Variants in ZNF699 observed in about 807,000 individuals in gnomAD.
ZNF699 encodes the protein zinc finger protein 699, also known as hangover homolog.
A neutral mutation model predicts 22.5 loss-of-function variants in ZNF699; 18 were observed. The observed-to-expected ratio is 0.80, with a 90% CI of 0.55 to 1.19. The LOEUF (loss-of-function observed/expected upper bound fraction) is 1.19, where lower values mean the gene tolerates loss of function less well. Ranked by LOEUF, ZNF699 falls within the 50% of genes most tolerant of loss-of-function variation. ZNF699 has a pLI of 0.00. For synonymous variants in ZNF699, 241 were observed against 262.3 expected, an observed-to-expected ratio of 0.92 and a Z score of 0.78; for missense variants, 670 against 763.4, an observed-to-expected ratio of 0.88 and a Z score of 1.44.
chr19:9,302,074 G>T (rs1443916674), intron 3 of ZNF699, among the ~76,000 whole-genome samples: 3 of 151,884 alleles, frequency 2.0e-5, no homozygotes, highest in African/African-American at 7.3e-5. Flanking sequence ...GGCTAATTTT[G>T]TGTTTTTAGT....
rs201685861 is a variant in ZNF699 at position 9,292,822 on chromosome 19, AT to A, written c.*2652del. On this transcript the variant is annotated 3_prime_UTR_variant, in exon 6 of 6. Transcript: ENST00000591998. The stretch of plus-strand genomic sequence containing the variant: ...CAAGTAACCAGAAGGAAACCTTTCA[AT>A]TTTTTTTTTTTTTTAAAAAGGAACC... 0.43 allele frequency among the ~76,000 whole-genome samples: 63,639 copies of A among 147,738 alleles called. 14,229 individuals are homozygous for A. The highest frequency in any genetic ancestry group is 0.5 in the Middle Eastern group (142 of 282).
In ZNF699 at chr19:9,293,836, G is replaced by A. The variant is rs2066275021; in HGVS notation, c.*1639C>T. On this transcript the variant is annotated 3_prime_UTR_variant, in exon 6 of 6. Transcript: ENST00000591998. ...ATACTTTTAAAGAGAAAATATAATA[G>A]GAGGGAAATATCACAGTAGTAGATT... 6.6e-6 allele frequency among the ~76,000 whole-genome samples: 1 copy of A among 151,618 alleles called. No homozygotes were observed. The highest frequency in any genetic ancestry group is 2.1e-4 in the South Asian group (1 of 4,822).
chr19:9,296,437 A>C lies in ZNF699; in HGVS notation c.967T>G (p.Ser323Ala). The C allele has an allele frequency of 6.3e-7, 1 of 1,583,176 alleles. No individual in the cohort carries two copies. Among genetic ancestry groups the C allele is most frequent in the Non-Finnish European group, 8.6e-7 (1 of 1,166,974 alleles). The change falls in exon 6 of 6, where the codon TCC (serine) becomes GCC (alanine). Residue 323 changes from serine to alanine, a missense_variant. Ser to Ala is a moderately conservative substitution (Grantham distance 99). Transcript: ENST00000591998. ...CCACTGTGAATTCTTTTGTGTTTGG[A>C]GAGTGAGGAGGAACAACTGAAGGCC... is the stretch of plus-strand genomic sequence containing the variant. Reference protein sequence around the residue: ...GKAFSCSSSLSKHKRIHSGDK... With the variant: ...GKAFSCSSSLAKHKRIHSGDK...
At chr19:9,300,146 TCTC>T (rs1036825306) in intron 3 of ZNF699, among the ~76,000 whole-genome samples, 1 of 152,026 alleles carries the variant, frequency 6.6e-6, no homozygotes, top group African/African-American at 2.4e-5. Context: ...AGTGGTGTGA[TCTC>T]AGCTCACTGC....
In ZNF699 at chr19:9,297,446, A is replaced by C; in HGVS notation, c.320T>G (p.Val107Gly). The C allele has an allele frequency of 1.3e-6, 2 of 1,585,546 alleles. No individual in the cohort carries two copies. The highest frequency in any genetic ancestry group is 1.7e-6 in the Non-Finnish European group (2 of 1,173,566). The change falls in exon 5 of 6, where the codon GTT becomes GGT. Residue 107 changes from valine to glycine, a missense_variant. By Grantham distance (109) the Val-to-Gly change is moderately radical (BLOSUM62 -3). Transcript: ENST00000591998. The surrounding 1 kb of genome is among the most constrained non-coding windows in gnomAD (Gnocchi z 4.3). The stretch of plus-strand genomic sequence containing the variant: ...TTCTCCACAAATATCTTGTGAAGCA[A>C]CTGATTCATTAGTTTTAAGTTGAGT... ...FETQLKTNES[V>G]ASQDICGEKI...
intron 3 of ZNF699, among the ~76,000 whole-genome samples, chr19:9,301,159 G>C (rs952355642): frequency 4.0e-5 from 6 of 151,324 alleles, no homozygotes; most frequent in Non-Finnish European, 8.8e-5. Flanking sequence ...GAGAGAGAGA[G>C]AGAAGTCCAC....
rs778383193 is a variant in ZNF699, at chr19:9,297,316, T to G, written c.450A>C (p.Lys150Asn). 65 of 1,596,742 alleles carry G rather than the reference T, an allele frequency of 4.1e-5. 1 individual carries two copies. Among genetic ancestry groups the G allele is most frequent in the Non-Finnish European group, 4.2e-5 (50 of 1,176,884 alleles). Residue 150 changes from lysine to asparagine, a missense_variant, in exon 5 of 6, where the codon AAA becomes AAC. Coordinates refer to ENST00000591998, the MANE Select transcript of ZNF699 (RefSeq NM_198535.3). This position sits in a 1 kb window ranked among gnomAD's most constrained non-coding sequence, Gnocchi z 4.3. ...CTCACCTCAAATGTCTCTCATGGCTTTTGTTCTGATAATCAATACCACAGG... is the reference window on the plus strand; with the variant it reads ...CTCACCTCAAATGTCTCTCATGGCTGTTGTTCTGATAATCAATACCACAGG... Reference protein sequence around the residue: ...QESCGIDYQNKSHERHLRNHM... With the variant: ...QESCGIDYQNNSHERHLRNHM...
At chr19:9,304,647 C>A (rs893065608) in intron 2 of ZNF699, among the ~76,000 whole-genome samples, 9 of 152,292 alleles carry the variant, frequency 5.9e-5, no homozygotes, top group Non-Finnish European at 4.4e-5. Context: ...TACGGCCGGC[C>A]GGGCACGGTG....
In ZNF699 at chr19:9,295,938, G is replaced by A; in HGVS notation, c.1466C>T (p.Ser489Phe). 1 of 1,613,894 alleles carries A rather than the reference G, an allele frequency of 6.2e-7. No homozygotes were observed. The highest frequency in any genetic ancestry group is 8.5e-7 in the Non-Finnish European group (1 of 1,179,972). ...ECGKTFSRSS[S>F]LTEHLRTHSG... ...GTGAGTTCTTAGGTGTTCGGTGAGG[G>A]ATGAGGAACGACTAAAGGTCTTCCC... The change falls in exon 6 of 6, where the codon TCC (serine) becomes TTC (phenylalanine). Residue 489 changes from serine (S) to phenylalanine (F), a missense_variant. Coordinates refer to ENST00000591998, the MANE Select transcript of ZNF699 (RefSeq NM_198535.3).
intron 3 of ZNF699, among the ~76,000 whole-genome samples, chr19:9,299,845 T>G (rs920611090): frequency 2.7e-5 from 4 of 146,256 alleles, no homozygotes; most frequent in African/African-American, 1.0e-4. Context: ...TTCAAAGAAC[T>G]CTTAAAACTC....
Position 9,297,835 on chromosome 19 carries a change from T to G in ZNF699, c.286+45A>C. On this transcript the variant is annotated intron_variant, in intron 4 of 5. Coordinates refer to ENST00000591998, the MANE Select transcript of ZNF699 (RefSeq NM_198535.3). The surrounding 1 kb of genome is among the most constrained non-coding windows in gnomAD (Gnocchi z 4.3). ...TTTGTTTTTGTTTTTTACTTTAAGTTTATTTTTTCCCCCAACCAAAACAGT... is the reference window on the plus strand; with the variant it reads ...TTTGTTTTTGTTTTTTACTTTAAGTGTATTTTTTCCCCCAACCAAAACAGT... 1 of 1,478,532 alleles carries G rather than the reference T, an allele frequency of 6.8e-7. No homozygotes were observed. The highest frequency in any genetic ancestry group is 9.4e-7 in the Non-Finnish European group (1 of 1,061,788). The allele number at this position is 1,478,532 out of a possible 1,614,324, so 91.6% of individuals were successfully genotyped here.
chr19:9,295,566 T>C lies in ZNF699; in HGVS notation c.1838A>G (p.Lys613Arg), dbSNP rs2066281277. 6.2e-7 allele frequency: 1 copy of C among 1,614,026 alleles called. No individual in the cohort carries two copies. ...RRHVRSHTGE[K>R]PYECKECGKA... ...CCCACATTCCTTACATTCATAGGGT[T>C]TCTCTCCAGTGTGGCTTCTCACATG... The change falls in exon 6 of 6, where the codon AAA becomes AGA. Residue 613 changes from lysine (K) to arginine (R), a missense_variant. Transcript: ENST00000591998.
rs2066264881 is a variant in ZNF699 at position 9,291,310 on chromosome 19, T to C, written c.*4165A>G. Reference sequence around the variant, plus strand: ...TAATCCTGAGATTCCAAAATTAATTTAGGAAACATGGGGAACAGAGAAGGC... The same window carrying C: ...TAATCCTGAGATTCCAAAATTAATTCAGGAAACATGGGGAACAGAGAAGGC... On this transcript the variant is annotated 3_prime_UTR_variant, in exon 6 of 6. Transcript: ENST00000591998. 6.6e-6 allele frequency among the ~76,000 whole-genome samples: 1 copy of C among 152,114 alleles called. No homozygotes were observed. The highest frequency in any genetic ancestry group is 2.4e-5 in the African/African-American group (1 of 41,436).
intron 1 of ZNF699, 34 bp from the exon 2 acceptor site, chr19:9,305,158 G>C (rs1160877642): frequency 6.3e-7 from 1 of 1,599,228 alleles, no homozygotes; most frequent in Non-Finnish European, 8.5e-7. Flanking sequence ...TGAGAAGTTA[G>C]AATTAAAAAA....
At chr19:9,303,769 A>G (rs926704209) in intron 2 of ZNF699, among the ~76,000 whole-genome samples, 2 of 151,942 alleles carry the variant, frequency 1.3e-5, no homozygotes, top group Non-Finnish European at 2.9e-5. Flanking sequence ...AGAGATTACA[A>G]GGGTTTTTAG....
Position 9,297,197 on chromosome 19 carries a change from A to G in ZNF699, c.470+99T>C. On this transcript the variant is annotated intron_variant, in intron 5 of 5. Transcript: ENST00000591998. This position sits in a 1 kb window ranked among gnomAD's most constrained non-coding sequence, Gnocchi z 4.3. ...ATTCTTTCTCAAACCACAATCTTTG[A>G]TCTAGGCTTATTTATATATACATAT... 8.0e-7 allele frequency: 1 copy of G among 1,246,984 alleles called. No individual in the cohort carries two copies. Among genetic ancestry groups the G allele is most frequent in the Non-Finnish European group, 1.1e-6 (1 of 905,352 alleles). The allele number at this position is 1,246,984 out of a possible 1,614,324, so 77.2% of individuals were successfully genotyped here.
chr19:9,297,352 T>G lies in ZNF699; in HGVS notation c.414A>C (p.Glu138Asp). The G allele has an allele frequency of 6.2e-7, 1 of 1,603,640 alleles. No individual in the cohort carries two copies. Among genetic ancestry groups the G allele is most frequent in the Non-Finnish European group, 8.5e-7 (1 of 1,178,298 alleles). The change falls in exon 5 of 6, where the codon GAA (glutamate) becomes GAC (aspartate). Residue 138 changes from glutamate to aspartate, a missense_variant. Transcript: ENST00000591998. This position sits in a 1 kb window ranked among gnomAD's most constrained non-coding sequence, Gnocchi z 4.3. Reference sequence around the variant, plus strand: ...AATCAATACCACAGGACTCCTGGTTTTCATGTAAACTGGAGAACCAGGAAT... The same window carrying G: ...AATCAATACCACAGGACTCCTGGTTGTCATGTAAACTGGAGAACCAGGAAT... ...RNDSWFSSLH[E>D]NQESCGIDYQ...
At chr19:9,306,315 C>T (rs1283832979) in intron 1 of ZNF699, among the ~76,000 whole-genome samples, 1 of 151,842 alleles carries the variant, frequency 6.6e-6, no homozygotes, top group African/African-American at 2.4e-5. Context: ...TCGCTTGAAC[C>T]CGGGAGGCGG....
At chr19:9,303,909 C>A (rs576361211) in intron 2 of ZNF699, among the ~76,000 whole-genome samples, 1 of 151,954 alleles carries the variant, frequency 6.6e-6, no homozygotes, top group African/African-American at 2.4e-5. Context: ...CCTCCACCTC[C>A]CTGGTTCAAG....
Sources: allele counts gnomAD v4.1 joint callset (sites outside exome capture counted in the v4.1 genomes callset), GRCh38; gene constraint gnomAD v4.1.1; non-coding constraint Gnocchi (gnomAD v3.1); transcripts MANE v1.5; gene names NCBI Gene and HGNC (gene_info 2026-07-23, HGNC 2026-07-21).